The following SLC38A1 variants were observed in gnomAD, a reference collection of about 807,000 sequenced individuals.
SLC38A1 encodes solute carrier family 38 member 1.
A neutral mutation model predicts 60.3 loss-of-function variants in SLC38A1; 18 were observed. The observed-to-expected ratio is 0.30, with a 90% CI of 0.21 to 0.44. The LOEUF (loss-of-function observed/expected upper bound fraction) is 0.44, where lower values mean the gene tolerates loss of function less well. Ranked by LOEUF, SLC38A1 falls within the 20% of genes least tolerant of loss-of-function variation. The pLI is 1.00. For synonymous variants in SLC38A1, 196 were observed against 212.1 expected, an observed-to-expected ratio of 0.92 and a Z score of 0.66; for missense variants, 448 against 587.2, an observed-to-expected ratio of 0.76 and a Z score of 2.45.
At chr12:46,233,340 C>T (rs1298899506) in intron 3 of SLC38A1, among the ~76,000 whole-genome samples, 1 of 152,172 alleles carries the variant, frequency 6.6e-6, no homozygotes, top group Non-Finnish European at 1.5e-5. Flanking sequence ...GGCTAATTTT[C>T]ATAACCAACT....
chr12:46,192,373 G>A (rs928920565), intron 16 of SLC38A1, among the ~76,000 whole-genome samples: 3 of 152,192 alleles, frequency 2.0e-5, no homozygotes, highest in Non-Finnish European at 4.4e-5. Context: ...ATGTTCCTCA[G>A]GGATATTGGC....
At position 46,197,912 on chromosome 12, in the gene SLC38A1, G is replaced by T. The variant is rs1325906407; in HGVS notation, c.1264+7C>A. On this transcript the variant is annotated splice_region_variant and intron_variant, in intron 15 of 16. Coordinates refer to ENST00000398637, the MANE Select transcript of SLC38A1 (RefSeq NM_030674.4). ...AGAATGACAAGCACAAAGTCATGAA[G>T]CCATACCTACGACTCCAAAAATATC... 2.5e-6 allele frequency: 4 copies of T among 1,613,736 alleles called. No homozygotes were observed. Among genetic ancestry groups the T allele is most frequent in the Non-Finnish European group, 3.4e-6 (4 of 1,179,930 alleles).
chr12:46,240,379 T>C (rs1941405326), intron 2 of SLC38A1, among the ~76,000 whole-genome samples: 1 of 152,164 alleles, frequency 6.6e-6, no homozygotes, highest in Admixed American at 6.5e-5. Flanking sequence ...GTATTTTTAG[T>C]AGAGACAGGT....
chr12:46,241,088 C>T (rs1941429769), intron 2 of SLC38A1, among the ~76,000 whole-genome samples: 1 of 152,086 alleles, frequency 6.6e-6, no homozygotes, highest in Admixed American at 6.5e-5. Context: ...TGGGGAGCCT[C>T]ACCGTGATAC....
At chr12:46,229,464 A>C in intron 4 of SLC38A1, 100 bp downstream of exon 4, 1 of 942,624 alleles carries the variant, frequency 1.1e-6, no homozygotes. Context: ...TGGTGAATAC[A>C]GGTAGTTATG....
chr12:46,204,538 T>A lies in SLC38A1; in HGVS notation c.699A>T (p.Leu233=). ...CATTGCAATCAGCACTTACCACAAT[T>A]AGGAAAAAAACCATACAGCTCAAGG... ...GFSLSCMVFF[L]IVVIYKKFQI... The change falls in exon 10 of 17, where the codon CTA becomes CTT. Residue 233 remains leucine (L), a synonymous_variant. Coordinates refer to ENST00000398637, the MANE Select transcript of SLC38A1 (RefSeq NM_030674.4). 1 of 1,612,300 alleles carries A rather than the reference T, an allele frequency of 6.2e-7. No homozygotes were observed.
intron 1 of SLC38A1, among the ~76,000 whole-genome samples, chr12:46,251,735 A>C (rs1181191562): frequency 6.6e-6 from 1 of 152,240 alleles, no homozygotes; most frequent in African/African-American, 2.4e-5. Context: ...ACATGGAAAA[A>C]ATGCTCATTA....
At chr12:46,212,433 G>C (rs1384891166) in intron 5 of SLC38A1, among the ~76,000 whole-genome samples, 1 of 152,122 alleles carries the variant, frequency 6.6e-6, no homozygotes, top group Non-Finnish European at 1.5e-5. Flanking sequence ...ACTTACATGG[G>C]GACTACAGAT....
intron 5 of SLC38A1, among the ~76,000 whole-genome samples, chr12:46,214,769 A>G (rs1393897908): frequency 6.6e-6 from 1 of 152,232 alleles, no homozygotes; most frequent in African/African-American, 2.4e-5. Flanking sequence ...CTACACAGCA[A>G]CAAATCATAT....
intron 16 of SLC38A1, among the ~76,000 whole-genome samples, chr12:46,196,674 C>T (rs1455355137): frequency 1.3e-5 from 2 of 152,170 alleles, no homozygotes; most frequent in Admixed American, 6.5e-5. Flanking sequence ...CTGCCTACAC[C>T]TCTCATCTGG....
chr12:46,220,473 C>T (rs1345847486), intron 5 of SLC38A1, among the ~76,000 whole-genome samples: 1 of 152,168 alleles, frequency 6.6e-6, no homozygotes, highest in Non-Finnish European at 1.5e-5. Flanking sequence ...CTAGGATCAT[C>T]CGGAAGAGTA....
intron 1 of SLC38A1, among the ~76,000 whole-genome samples, chr12:46,253,083 G>A (rs1036554578): frequency 9.2e-5 from 14 of 151,882 alleles, no homozygotes; most frequent in Non-Finnish European, 1.8e-4. Context: ...TGGAGATGTA[G>A]GTCAAAGGAT....
rs1942458480 is a variant in SLC38A1, at chr12:46,268,985, C to T, written c.-668G>A. 5.1e-6 allele frequency: 2 copies of T among 395,754 alleles called. No individual in the cohort carries two copies. Among genetic ancestry groups the T allele is most frequent in the South Asian group, 3.5e-5 (2 of 56,408 alleles). 24.5% of individuals were successfully genotyped at this position (395,754 alleles called of 1,614,324 possible). A position where few individuals can be genotyped will look rare whatever the true frequency, so the allele number is the denominator to read the frequency against. On this transcript the variant is annotated 5_prime_UTR_variant, in exon 1 of 17. Transcript: ENST00000398637. The surrounding 1 kb of genome is among the most constrained non-coding windows in gnomAD (Gnocchi z 4.4). ...CGCGGACAGGCCATTCCTCCCCGTC[C>T]CGCGCGCGGTCTCCTCCCCTCCTGT...
intron 16 of SLC38A1, among the ~76,000 whole-genome samples, chr12:46,194,842 T>C (rs1206069212): frequency 2.0e-5 from 3 of 152,130 alleles, no homozygotes; most frequent in Admixed American, 6.5e-5. Context: ...CCTTTTTTTT[T>C]TCCACAGTTT....
chr12:46,211,353 A>G (rs1940163631), intron 5 of SLC38A1, among the ~76,000 whole-genome samples: 1 of 152,244 alleles, frequency 6.6e-6, no homozygotes, highest in South Asian at 2.1e-4. Context: ...AGGCTAATGT[A>G]TAAAGAGTAT....
At chr12:46,265,943 T>C (rs1942336864) in intron 1 of SLC38A1, among the ~76,000 whole-genome samples, 1 of 151,888 alleles carries the variant, frequency 6.6e-6, no homozygotes, top group African/African-American at 2.4e-5. Flanking sequence ...ACTTGGGCAG[T>C]GGAAATGGAG....
intron 5 of SLC38A1, among the ~76,000 whole-genome samples, chr12:46,216,459 C>A (rs1157178738): frequency 6.6e-6 from 1 of 152,102 alleles, no homozygotes; most frequent in Non-Finnish European, 1.5e-5. Flanking sequence ...AAGTGAGGGA[C>A]CAGAGGCTCT....
intron 3 of SLC38A1, among the ~76,000 whole-genome samples, chr12:46,236,052 G>T (rs750185779): frequency 2.0e-5 from 3 of 152,142 alleles, no homozygotes; most frequent in Non-Finnish European, 4.4e-5. Context: ...TTTACCGATA[G>T]ACTTTTCTCA....
intron 5 of SLC38A1, among the ~76,000 whole-genome samples, chr12:46,226,967 A>G (rs1016519859): frequency 6.6e-6 from 1 of 152,114 alleles, no homozygotes; most frequent in African/African-American, 2.4e-5. Context: ...TGCCTGACAC[A>G]ATTGATGAAA....
Sources: allele counts gnomAD v4.1 joint callset (sites outside exome capture counted in the v4.1 genomes callset), GRCh38; gene constraint gnomAD v4.1.1; non-coding constraint Gnocchi (gnomAD v3.1); transcripts MANE v1.5; gene names NCBI Gene and HGNC (gene_info 2026-07-23, HGNC 2026-07-21).